Variants in NDRG1 observed in about 807,000 individuals in gnomAD.
NDRG1 encodes the protein N-myc downstream regulated 1, also known as protein NDRG1.
A neutral mutation model predicts 56.9 loss-of-function variants in NDRG1; 32 were observed. The observed-to-expected ratio is 0.56, with a 90% CI of 0.42 to 0.76. The LOEUF (loss-of-function observed/expected upper bound fraction) is 0.76. Ranked by LOEUF, NDRG1 falls within the 30% of genes least tolerant of loss-of-function variation. The pLI, the probability that NDRG1 is intolerant of heterozygous loss-of-function variation, is 0.00. For synonymous variants in NDRG1, 211 were observed against 204.1 expected, an observed-to-expected ratio of 1.03 and a Z score of -0.29; for missense variants, 507 against 545.7, an observed-to-expected ratio of 0.93 and a Z score of 0.71.
In NDRG1 at chr8:133,254,596, C is replaced by G. The variant is rs11575976; in HGVS notation, c.538-1G>C. ...GCAGAGCTTGGGTCCATCCTGAGAT[C>G]TGGAAAGGAGTAAAGTGGGTGGATG... On this transcript the variant is annotated splice_acceptor_variant, in intron 8 of 15. Coordinates refer to ENST00000323851, the MANE Select transcript of NDRG1 (RefSeq NM_006096.4). LOFTEE classifies it high-confidence loss of function. 6.2e-7 allele frequency: 1 copy of G among 1,614,002 alleles called. No homozygotes were observed. The highest frequency in any genetic ancestry group is 2.2e-5 in the East Asian group (1 of 44,868).
intron 9 of NDRG1, among the ~76,000 whole-genome samples, chr8:133,251,209 C>T (rs751051016): frequency 4.6e-5 from 7 of 152,156 alleles, no homozygotes; most frequent in Non-Finnish European, 8.8e-5. Context: ...ATGTTATTTG[C>T]GACAAACAAC....
intron 1 of NDRG1, among the ~76,000 whole-genome samples, chr8:133,291,923 G>A (rs1858451373): frequency 6.6e-6 from 1 of 152,200 alleles, no homozygotes. Context: ...CACCAGGGAG[G>A]TCAGCAAGAG....
chr8:133,262,229 T>A, intron 4 of NDRG1, 62 bp from the exon 5 acceptor site: 1 of 1,586,600 alleles, frequency 6.3e-7, no homozygotes, highest in Non-Finnish European at 8.6e-7. Flanking sequence ...ATTAGGTGTC[T>A]CGGTGGCAAA....
chr8:133,275,844 C>T (rs79357769), intron 3 of NDRG1, among the ~76,000 whole-genome samples: 53 of 152,308 alleles, frequency 3.5e-4, no homozygotes, highest in African/African-American at 1.2e-3. Flanking sequence ...GGGACAGGAT[C>T]GCCGTAAGCA....
At chr8:133,242,348 T>C (rs755491196) in intron 14 of NDRG1, among the ~76,000 whole-genome samples, 21 of 152,224 alleles carry the variant, frequency 1.4e-4, no homozygotes, top group Non-Finnish European at 2.8e-4. Context: ...TTTCTGTGTG[T>C]TTCTGAGGAG....
chr8:133,285,617 C>G (rs1202503924), intron 1 of NDRG1, among the ~76,000 whole-genome samples: 1 of 152,200 alleles, frequency 6.6e-6, no homozygotes, highest in Non-Finnish European at 1.5e-5. Flanking sequence ...CCGAATCCAC[C>G]CCGGGTCCAT....
chr8:133,239,017 C>G lies in NDRG1; in HGVS notation c.1046G>C (p.Gly349Ala), dbSNP rs1209851405. ...GCTGGTGTGGGAGCGGCTTCGGGTG[C>G]CCTCGCTGGTGTGGGAGCGGCTGCG... ...GTRSRSHTSE[G>A]TRSRSHTSEG... The change falls in exon 16 of 16, where the codon GGC (glycine) becomes GCC (alanine). Residue 349 changes from glycine to alanine, a missense_variant. Transcript: ENST00000323851. 2 of 1,598,244 alleles carry G rather than the reference C, an allele frequency of 1.3e-6. No homozygotes were observed. The highest frequency in any genetic ancestry group is 1.7e-6 in the Non-Finnish European group (2 of 1,174,132).
Position 133,237,278 on chromosome 8 carries a change from T to C in NDRG1, c.*1600A>G, listed in dbSNP as rs1439807813. 1 of 230,872 alleles carries C rather than the reference T, an allele frequency of 4.3e-6. No homozygotes were observed. The highest frequency in any genetic ancestry group is 8.6e-6 in the Non-Finnish European group (1 of 116,668). 14.3% of individuals were successfully genotyped at this position (230,872 alleles called of 1,614,324 possible). A position where few individuals can be genotyped will look rare whatever the true frequency, so the allele number is the denominator to read the frequency against. Reference sequence around the variant, plus strand: ...AATAGTTTCCCATCCGTACTCAGCCTCTCTTGCCCCGATCCCCGACTTTTC... The same window carrying C: ...AATAGTTTCCCATCCGTACTCAGCCCCTCTTGCCCCGATCCCCGACTTTTC... On this transcript the variant is annotated 3_prime_UTR_variant, in exon 16 of 16. Coordinates refer to ENST00000323851, the MANE Select transcript of NDRG1 (RefSeq NM_006096.4).
intron 3 of NDRG1, among the ~76,000 whole-genome samples, chr8:133,273,654 C>T (rs1323415500): frequency 6.6e-6 from 1 of 152,204 alleles, no homozygotes; most frequent in Non-Finnish European, 1.5e-5. Flanking sequence ...GGATCTAAGT[C>T]TAGGACTATC....
intron 3 of NDRG1, among the ~76,000 whole-genome samples, chr8:133,267,090 G>A (rs987456088): frequency 5.3e-5 from 8 of 152,082 alleles, no homozygotes; most frequent in Non-Finnish European, 8.8e-5. Context: ...GGAGAACCCC[G>A]AAGCCAGCCA....
intron 8 of NDRG1, among the ~76,000 whole-genome samples, chr8:133,256,477 G>A (rs1194762462): frequency 2.0e-5 from 3 of 152,142 alleles, no homozygotes; most frequent in East Asian, 3.9e-4. Context: ...CACAAGTTAT[G>A]TACCCAGCTA....
rs752754764 is a variant in NDRG1, at chr8:133,238,144, C to T, written c.*734G>A. The T allele has an allele frequency of 4.3e-5, 10 of 232,978 alleles. No homozygotes were observed. The Admixed American group carries it at 5.1e-4, about 12-fold the overall frequency. 14.4% of individuals were successfully genotyped at this position (232,978 alleles called of 1,614,324 possible). On this transcript the variant is annotated 3_prime_UTR_variant, in exon 16 of 16. Coordinates refer to ENST00000323851, the MANE Select transcript of NDRG1 (RefSeq NM_006096.4). Reference sequence around the variant, plus strand: ...AGCCTTCAAAAACCATGATGCCCAACGTTTGCTGAAATATTTTTGTCTGTA... The same window carrying T: ...AGCCTTCAAAAACCATGATGCCCAATGTTTGCTGAAATATTTTTGTCTGTA...
intron 10 of NDRG1, among the ~76,000 whole-genome samples, chr8:133,249,880 G>A (rs1206112073): frequency 6.6e-6 from 1 of 152,238 alleles, no homozygotes; most frequent in African/African-American, 2.4e-5. Context: ...AGCTCAGCAG[G>A]TTGAGCGAGC....
chr8:133,254,633 G>A (rs1303156346), intron 8 of NDRG1, 38 bp from the exon 9 acceptor site: 2 of 1,606,084 alleles, frequency 1.2e-6, no homozygotes, highest in Non-Finnish European at 1.7e-6. Context: ...GAAACCAGGA[G>A]CTAACAGTAG....
In NDRG1 at chr8:133,248,700, A is replaced by G. The variant is rs763606112; in HGVS notation, c.755+15T>C. On this transcript the variant is annotated intron_variant, in intron 11 of 15. Transcript: ENST00000323851. The stretch of plus-strand genomic sequence containing the variant: ...GCCCCGACTGCAAGTGCTGGGGGAG[A>G]GAAAAGCCACTCACTGCAGGGTGAC... 1 of 1,614,164 alleles carries G rather than the reference A, an allele frequency of 6.2e-7. No individual in the cohort carries two copies. The highest frequency in any genetic ancestry group is 1.7e-5 in the Admixed American group (1 of 60,028).
At chr8:133,270,666 G>A (rs767767409) in intron 3 of NDRG1, among the ~76,000 whole-genome samples, 78 of 152,308 alleles carry the variant, frequency 5.1e-4, no homozygotes, top group African/African-American at 1.0e-3. Flanking sequence ...GACCAAAGCC[G>A]CATGCTCAGG....
At position 133,237,944 on chromosome 8, in the gene NDRG1, T is replaced by G; in HGVS notation, c.*934A>C. 4.3e-6 allele frequency: 1 copy of G among 233,028 alleles called. No homozygotes were observed. The highest frequency in any genetic ancestry group is 8.5e-6 in the Non-Finnish European group (1 of 117,940). The allele number at this position is 233,028 out of a possible 1,614,324, so 14.4% of individuals were successfully genotyped here. Reference sequence around the variant, plus strand: ...TCCACCCCCACCCCAGTGCTCCTACTCCGGCCCCTGCAAGGACACTCATCA... The same window carrying G: ...TCCACCCCCACCCCAGTGCTCCTACGCCGGCCCCTGCAAGGACACTCATCA... On this transcript the variant is annotated 3_prime_UTR_variant, in exon 16 of 16. Transcript: ENST00000323851.
At position 133,266,193 on chromosome 8, in the gene NDRG1, G is replaced by A. The variant is rs367870895; in HGVS notation, c.100-1541C>T. Among the ~76,000 whole-genome samples, 6 of 152,224 alleles carry A rather than the reference G, an allele frequency of 3.9e-5. No individual in the cohort carries two copies. The East Asian group carries it at 7.7e-4, about 20-fold the overall frequency. On this transcript the variant is annotated intron_variant, in intron 3 of 15. Transcript: ENST00000323851. ...CAGGTCCCCCAGACAATCAGCCTCCGCGGGGCCCCAGGCTTCTCAGCACTT... is the reference window on the plus strand; with the variant it reads ...CAGGTCCCCCAGACAATCAGCCTCCACGGGGCCCCAGGCTTCTCAGCACTT...
rs1307068606 is a variant in NDRG1 at position 133,239,098 on chromosome 8, C to A, written c.965G>T (p.Arg322Leu). 1 of 1,563,140 alleles carries A rather than the reference C, an allele frequency of 6.4e-7. No individual in the cohort carries two copies. The highest frequency in any genetic ancestry group is 2.4e-5 in the East Asian group (1 of 42,464). ...MGYMPSASMT[R>L]LMRSRTASGS... The stretch of plus-strand genomic sequence containing the variant: ...AGAGGCTGTGCGGGACCGCATCAGG[C>A]GGGTCATGCTAGCCGAGGGCACTAG... Residue 322 changes from arginine to leucine, a missense_variant, in exon 16 of 16, where the codon CGC (arginine) becomes CTC (leucine). Transcript: ENST00000323851.
Sources: allele counts gnomAD v4.1 joint callset (sites outside exome capture counted in the v4.1 genomes callset), GRCh38; gene constraint gnomAD v4.1.1; transcripts MANE v1.5; gene names NCBI Gene and HGNC (gene_info 2026-07-23, HGNC 2026-07-21).